The following RSRC1 variants were observed in gnomAD, a reference collection of about 807,000 sequenced individuals.
The protein encoded by RSRC1 is arginine and serine rich coiled-coil 1.
RSRC1 carries 39 observed loss-of-function variants against 49.1 expected under a neutral mutation model. That is an observed-to-expected ratio of 0.79 (90% CI 0.61 to 1.04). RSRC1 has a LOEUF of 1.04. Among genes scored for constraint, RSRC1 ranks in the 50% least tolerant of loss-of-function variants. The pLI is 0.00. For synonymous variants in RSRC1, 143 were observed against 130.8 expected (o/e 1.09, Z -0.63); for missense variants, 388 against 402.4 (o/e 0.96, Z 0.31).
chr3:158,221,850 G>A (rs998874903), intron 4 of RSRC1, among the ~76,000 whole-genome samples: 6 of 151,422 alleles, frequency 4.0e-5, no homozygotes, highest in African/African-American at 1.5e-4. Context: ...TTTAAAAGAG[G>A]TATTTATTAT....
At chr3:158,144,829 T>A (rs1578130886) in intron 3 of RSRC1, among the ~76,000 whole-genome samples, 3 of 152,174 alleles carry the variant, frequency 2.0e-5, no homozygotes, top group East Asian at 3.8e-4. Flanking sequence ...TCGCCATTCT[T>A]ACTGGTGTGA....
At chr3:158,494,916 G>A (rs1739249440) in intron 7 of RSRC1, among the ~76,000 whole-genome samples, 1 of 152,106 alleles carries the variant, frequency 6.6e-6, no homozygotes, top group South Asian at 2.1e-4. Flanking sequence ...CCTGCCTGAG[G>A]CTGTTATGAT....
chr3:158,248,546 A>G (rs1456914427), intron 4 of RSRC1, among the ~76,000 whole-genome samples: 1 of 151,306 alleles, frequency 6.6e-6, no homozygotes, highest in African/African-American at 2.4e-5. Context: ...TTAAGTAGAC[A>G]TGTTTTTGTT....
intron 5 of RSRC1, chr3:158,303,660 C>A (rs979650076): frequency 1.3e-5 from 2 of 152,102 alleles, no homozygotes; most frequent in African/African-American, 4.8e-5. Context: ...ATGAAGAAGG[C>A]CTTCTGAATC....
At chr3:158,268,511 C>T (rs910054686) in intron 4 of RSRC1, among the ~76,000 whole-genome samples, 2 of 152,146 alleles carry the variant, frequency 1.3e-5, no homozygotes, top group Non-Finnish European at 2.9e-5. Context: ...AGGCTGGGGT[C>T]TTCTACTATT....
intron 5 of RSRC1, among the ~76,000 whole-genome samples, chr3:158,325,190 T>C (rs546726814): frequency 3.0e-4 from 46 of 152,284 alleles, no homozygotes; most frequent in Non-Finnish European, 3.4e-4. Flanking sequence ...CCTGTTCACT[T>C]CGATGGTAGT....
At chr3:158,391,143 A>G (rs12629587) in intron 6 of RSRC1, among the ~76,000 whole-genome samples, 65,047 of 152,014 alleles carry the variant, frequency 0.43, 14,837 homozygotes, top group South Asian at 0.6. Flanking sequence ...TTTATCTTCT[A>G]GAACTATTCT....
At chr3:158,294,587 G>T (rs984411382) in intron 4 of RSRC1, among the ~76,000 whole-genome samples, 1 of 151,912 alleles carries the variant, frequency 6.6e-6, no homozygotes, top group African/African-American at 2.4e-5. Flanking sequence ...AAAAGGAGGG[G>T]TAAAAACCTA....
At chr3:158,228,893 T>TATATAAACACATACGTGTAATGTGC (rs1722689869) in intron 4 of RSRC1, among the ~76,000 whole-genome samples, 1 of 127,630 alleles carries the variant, frequency 7.8e-6, no homozygotes, top group Non-Finnish European at 1.7e-5. Context: ...GTGTAATGTG[T>TATATAAACACATACGTGTAATGTGC]ATATAAACAC....
chr3:158,249,338 C>T (rs552944415), intron 4 of RSRC1, among the ~76,000 whole-genome samples: 1 of 152,288 alleles, frequency 6.6e-6, no homozygotes, highest in East Asian at 1.9e-4. Context: ...AGTTTGCATT[C>T]CTAGAGCTTT....
At chr3:158,224,254 A>G (rs1395849219) in intron 4 of RSRC1, among the ~76,000 whole-genome samples, 1 of 151,832 alleles carries the variant, frequency 6.6e-6, no homozygotes, top group East Asian at 1.9e-4. Context: ...TGATTTTTAA[A>G]AATTATCGTC....
chr3:158,270,839 T>A (rs977517851), intron 4 of RSRC1, among the ~76,000 whole-genome samples: 2 of 152,178 alleles, frequency 1.3e-5, no homozygotes, highest in African/African-American at 4.8e-5. Flanking sequence ...TCTGATAATG[T>A]AAAACTTTCT....
intron 5 of RSRC1, among the ~76,000 whole-genome samples, chr3:158,326,930 AT>A (rs1474193586): frequency 1.3e-5 from 2 of 152,170 alleles, no homozygotes; most frequent in Non-Finnish European, 2.9e-5. Context: ...CTATTCAGGG[AT>A]TCAAGTTCTT....
intron 6 of RSRC1, among the ~76,000 whole-genome samples, chr3:158,418,049 A>G (rs1205275870): frequency 2.0e-5 from 3 of 152,014 alleles, no homozygotes; most frequent in Non-Finnish European, 4.4e-5. Context: ...GAGACTTCAT[A>G]TATGTGATTT....
intron 8 of RSRC1, among the ~76,000 whole-genome samples, chr3:158,541,130 C>G (rs536837226): frequency 3.7e-4 from 56 of 152,276 alleles, no homozygotes; most frequent in South Asian, 1.0e-3. Flanking sequence ...GGCCTTTTTT[C>G]TGATCTTCAA....
chr3:158,526,342 A>G (rs1712022244), intron 7 of RSRC1, among the ~76,000 whole-genome samples: 1 of 151,996 alleles, frequency 6.6e-6, no homozygotes, highest in Non-Finnish European at 1.5e-5. Context: ...AGGATGTTTG[A>G]AGTACTAAGA....
At chr3:158,507,375 A>G (rs891038882) in intron 7 of RSRC1, among the ~76,000 whole-genome samples, 11 of 152,308 alleles carry the variant, frequency 7.2e-5, no homozygotes, top group Middle Eastern at 3.4e-3. Flanking sequence ...AATAGCTAGA[A>G]GAGAAGAATT....
intron 7 of RSRC1, among the ~76,000 whole-genome samples, chr3:158,494,476 C>T (rs1265883389): frequency 1.3e-5 from 2 of 152,010 alleles, no homozygotes; most frequent in African/African-American, 2.4e-5. Context: ...AAACACTGTA[C>T]GTTAGGCTAT....
At chr3:158,170,697 C>A (rs1413477153) in intron 3 of RSRC1, among the ~76,000 whole-genome samples, 2 of 152,248 alleles carry the variant, frequency 1.3e-5, no homozygotes, top group African/African-American at 4.8e-5. Context: ...GAAGCAAAGA[C>A]CCTCAGAGAA....
Sources: gnomAD v4.1 joint callset for allele counts (sites outside exome capture counted in the v4.1 genomes callset) on GRCh38, gnomAD v4.1.1 for gene constraint, MANE v1.5 for transcripts, NCBI Gene and HGNC (gene_info 2026-07-23, HGNC 2026-07-21) for gene names.